Variants in NKAIN3 observed in about 807,000 individuals in gnomAD.
NKAIN3 encodes sodium/potassium transporting ATPase interacting 3.
NKAIN3 carries 25 observed loss-of-function variants against 30.2 expected under a neutral mutation model. That is an observed-to-expected ratio of 0.83 (90% CI 0.60 to 1.16). The LOEUF is 1.16. Among genes scored for constraint, NKAIN3 ranks in the 50% most tolerant of loss-of-function variants. The pLI is 0.00. For missense variants in NKAIN3, 225 were observed against 254.1 expected (o/e 0.89, Z 0.78); for synonymous variants, 91 against 89.6 (o/e 1.02, Z -0.09).
chr8:62,919,628 C>T (rs547507127), intron 5 of NKAIN3, among the ~76,000 whole-genome samples: 55 of 152,244 alleles, frequency 3.6e-4, no homozygotes, highest in Middle Eastern at 3.4e-3. Context: ...TCACACCTAA[C>T]CAAACCAGAG....
intron 4 of NKAIN3, among the ~76,000 whole-genome samples, chr8:62,809,719 A>G (rs369293294): frequency 6.6e-6 from 1 of 152,208 alleles, no homozygotes; most frequent in Non-Finnish European, 1.5e-5. Flanking sequence ...AATTTATCCC[A>G]TTTATTCTCA....
intron 5 of NKAIN3, among the ~76,000 whole-genome samples, chr8:62,952,962 A>G (rs1823326629): frequency 6.6e-6 from 1 of 152,170 alleles, no homozygotes; most frequent in South Asian, 2.1e-4. Context: ...TGTAGTGTCT[A>G]TATTTGGTGA....
intron 1 of NKAIN3, among the ~76,000 whole-genome samples, chr8:62,532,143 T>A (rs947099786): frequency 5.3e-5 from 8 of 152,156 alleles, no homozygotes; most frequent in African/African-American, 1.9e-4. Flanking sequence ...AGTCAGGGGC[T>A]CTATTAAACT....
In NKAIN3 at chr8:62,502,578, C is replaced by T. The variant is rs559807621; in HGVS notation, c.55-76961C>T. Among the ~76,000 whole-genome samples, 24 of 151,352 alleles carry T rather than the reference C, an allele frequency of 1.6e-4. No homozygotes were observed. In the South Asian group the frequency reaches 2.3e-3, roughly 14 times the overall value. On this transcript the variant is annotated intron_variant, in intron 1 of 6. Coordinates refer to ENST00000623646, the MANE Select transcript of NKAIN3 (RefSeq NM_001304533.3). ...CCTTCTTCTTCTCAGTATCTACTTC[C>T]GACCTTCTTTTTCTTAACTTGCACT...
chr8:62,656,110 A>G (rs201071257), intron 3 of NKAIN3, among the ~76,000 whole-genome samples: 1 of 152,106 alleles, frequency 6.6e-6, no homozygotes, highest in Non-Finnish European at 1.5e-5. Context: ...GTGCTGTGGC[A>G]GTGGCCTCGC....
intron 4 of NKAIN3, among the ~76,000 whole-genome samples, chr8:62,803,357 G>C (rs1312214652): frequency 9.2e-5 from 14 of 151,960 alleles, no homozygotes; most frequent in South Asian, 2.1e-4. Flanking sequence ...TGACCACATA[G>C]TTGGAAGTAA....
intron 3 of NKAIN3, among the ~76,000 whole-genome samples, chr8:62,676,484 G>T (rs1813478124): frequency 6.6e-6 from 1 of 152,220 alleles, no homozygotes; most frequent in Non-Finnish European, 1.5e-5. Flanking sequence ...CAGTAGAATG[G>T]CGTGAACGTG....
At chr8:62,447,111 C>A (rs1028351773) in intron 1 of NKAIN3, among the ~76,000 whole-genome samples, 5 of 151,958 alleles carry the variant, frequency 3.3e-5, no homozygotes, top group Admixed American at 6.6e-5. Flanking sequence ...TCATCCAAAC[C>A]AGGATAGTCT....
intron 1 of NKAIN3, among the ~76,000 whole-genome samples, chr8:62,499,258 A>G (rs1807340498): frequency 1.3e-5 from 2 of 152,192 alleles, no homozygotes; most frequent in African/African-American, 4.8e-5. Flanking sequence ...GGAGATAGTA[A>G]CTGTACTTTC....
intron 1 of NKAIN3, among the ~76,000 whole-genome samples, chr8:62,321,824 C>G (rs542003259): frequency 6.6e-5 from 10 of 152,148 alleles, no homozygotes; most frequent in African/African-American, 2.4e-4. Context: ...TCTCCAGCTG[C>G]GTGCTGGGAG....
intron 3 of NKAIN3, among the ~76,000 whole-genome samples, chr8:62,671,976 G>A (rs1055468691): frequency 1.3e-5 from 2 of 152,178 alleles, no homozygotes; most frequent in Non-Finnish European, 2.9e-5. Flanking sequence ...ACCAATCACT[G>A]TAGCCAGATT....
intron 1 of NKAIN3, among the ~76,000 whole-genome samples, chr8:62,558,365 T>C (rs963245615): frequency 6.6e-6 from 1 of 152,134 alleles, no homozygotes; most frequent in African/African-American, 2.4e-5. Context: ...TTGTTCTTTT[T>C]GGTTAGTCTT....
intron 4 of NKAIN3, among the ~76,000 whole-genome samples, chr8:62,824,777 C>T (rs556644722): frequency 6.6e-6 from 1 of 152,242 alleles, no homozygotes; most frequent in South Asian, 2.1e-4. Context: ...TTTATATCTA[C>T]CACTATTTAA....
intron 1 of NKAIN3, among the ~76,000 whole-genome samples, chr8:62,566,284 T>C (rs1809747371): frequency 6.6e-6 from 1 of 152,178 alleles, no homozygotes; most frequent in Non-Finnish European, 1.5e-5. Context: ...TGTGTTCCTT[T>C]GGCTCTTTGG....
At chr8:62,636,952 T>A (rs1812148076) in intron 3 of NKAIN3, among the ~76,000 whole-genome samples, 1 of 152,218 alleles carries the variant, frequency 6.6e-6, no homozygotes, top group South Asian at 2.1e-4. Flanking sequence ...TTTTGCTTCC[T>A]TGTAGTAAAT....
At chr8:62,398,255 G>A (rs763966445) in intron 1 of NKAIN3, among the ~76,000 whole-genome samples, 13 of 152,160 alleles carry the variant, frequency 8.5e-5, no homozygotes, top group African/African-American at 3.1e-4. Flanking sequence ...TTCTTGTGCC[G>A]GAGGCCATGG....
chr8:62,450,882 A>G (rs780510708), intron 1 of NKAIN3, among the ~76,000 whole-genome samples: 8 of 152,208 alleles, frequency 5.3e-5, no homozygotes, highest in Non-Finnish European at 1.0e-4. Context: ...ACACTTCACT[A>G]TAAGCTTGTG....
At chr8:62,607,183 G>T (rs761140301) in intron 3 of NKAIN3, among the ~76,000 whole-genome samples, 23 of 152,230 alleles carry the variant, frequency 1.5e-4, no homozygotes, top group Admixed American at 5.9e-4. Context: ...AAAAGATTAG[G>T]CCAGTTATTG....
At chr8:62,766,878 G>T (rs1816855062) in intron 4 of NKAIN3, among the ~76,000 whole-genome samples, 2 of 152,086 alleles carry the variant, frequency 1.3e-5, no homozygotes, top group South Asian at 2.1e-4. Flanking sequence ...GCTTGAGCAG[G>T]TTCCCTTGGG....
Sources: gnomAD v4.1 joint callset for allele counts (sites outside exome capture counted in the v4.1 genomes callset) on GRCh38, gnomAD v4.1.1 for gene constraint, MANE v1.5 for transcripts, NCBI Gene and HGNC (gene_info 2026-07-23, HGNC 2026-07-21) for gene names.